The following ANXA7 variants were observed in gnomAD, a reference collection of about 807,000 sequenced individuals.
The protein encoded by ANXA7 is annexin VII.
Under a neutral mutation model 64.9 loss-of-function variants are expected in ANXA7, and 55 were observed. That is an observed-to-expected ratio of 0.85 (90% confidence interval 0.68 to 1.06). ANXA7 has a LOEUF of 1.06. ANXA7 is among the 50% of genes least tolerant of loss of function. The pLI is 0.00. For synonymous variants in ANXA7, 200 were observed against 192.4 expected, an observed-to-expected ratio of 1.04 and a Z score of -0.33; for missense variants, 548 against 582.1, an observed-to-expected ratio of 0.94 and a Z score of 0.60.
At chr10:73,380,225 TG>T (rs757476505) in intron 9 of ANXA7, 24 bp from the exon 10 acceptor site, 1 of 1,589,362 alleles carries the variant, frequency 6.3e-7, no homozygotes, top group African/African-American at 1.4e-5. Context: ...AGGCAGGAAT[TG>T]GAAGAAATAA....
intron 5 of ANXA7, among the ~76,000 whole-genome samples, chr10:73,392,789 C>T (rs1034779476): frequency 2.0e-4 from 31 of 152,184 alleles, no homozygotes; most frequent in African/African-American, 7.0e-4. Context: ...TGAAAACTGG[C>T]ACAAGACAGG....
At chr10:73,404,938 C>A (rs1473874497) in intron 1 of ANXA7, among the ~76,000 whole-genome samples, 1 of 151,940 alleles carries the variant, frequency 6.6e-6, no homozygotes, top group Non-Finnish European at 1.5e-5. Flanking sequence ...ATGGTGAAAC[C>A]CTGTCTCTAT....
At position 73,375,736 on chromosome 10, in the gene ANXA7, C is replaced by T. The variant is rs927782735; in HGVS notation, c.*359G>A. The T allele has an allele frequency of 1.3e-5, 2 of 157,018 alleles. No homozygotes were observed. The highest frequency in any genetic ancestry group is 4.8e-5 in the African/African-American group (2 of 41,568). The allele number at this position is 157,018 out of a possible 1,614,324, so 9.7% of individuals were successfully genotyped here. ...CTTAGAGGGATTCCGGAAGGCAGAG[C>T]TTTCAGTAACCTTCTAAAAAATTAT... On this transcript the variant is annotated 3_prime_UTR_variant, in exon 13 of 13. Coordinates refer to ENST00000372921, the MANE Select transcript of ANXA7 (RefSeq NM_001156.5).
At chr10:73,396,687 T>A in intron 4 of ANXA7, 104 bp from the exon 5 acceptor site, 1 of 687,544 alleles carries the variant, frequency 1.5e-6, no homozygotes, top group South Asian at 2.2e-5. Flanking sequence ...TACAAGAACA[T>A]TCACACTATG....
chr10:73,379,529 T>A (rs2055239974), intron 11 of ANXA7, among the ~76,000 whole-genome samples: 1 of 152,220 alleles, frequency 6.6e-6, no homozygotes, highest in Non-Finnish European at 1.5e-5. Flanking sequence ...GGTGACACTG[T>A]GAGTTCCTCA....
chr10:73,382,239 C>T (rs930435297), intron 9 of ANXA7, among the ~76,000 whole-genome samples: 1 of 152,222 alleles, frequency 6.6e-6, no homozygotes, highest in African/African-American at 2.4e-5. Flanking sequence ...ATCTTGTGCA[C>T]TAGCACAATA....
intron 11 of ANXA7, 61 bp downstream of exon 11, chr10:73,379,818 A>G: frequency 6.9e-7 from 1 of 1,445,128 alleles, no homozygotes; most frequent in Non-Finnish European, 9.7e-7. Context: ...TAATGGGAAC[A>G]ACTATTCAAA....
Position 73,377,774 on chromosome 10 carries a change from GT to G in ANXA7, c.1278+1136del, listed in dbSNP as rs1255150514. Among the ~76,000 whole-genome samples, 39 of 99,890 alleles carry G rather than the reference GT, an allele frequency of 3.9e-4. 1 individual carries two copies. The highest frequency in any genetic ancestry group is 2.2e-3 in the African/African-American group (31 of 13,802). 65.5% of individuals were successfully genotyped at this position (99,890 alleles called of 152,430 possible). A position where few individuals can be genotyped will look rare whatever the true frequency, so the allele number is the denominator to read the frequency against. On this transcript the variant is annotated intron_variant, in intron 12 of 12. Transcript: ENST00000372921. Reference sequence around the variant, plus strand: ...CTACCATGCCGGGGGGTGGGTGTGGGTGTGTGTGTGTGTGTGTGTGTGTGTG... The same window carrying G: ...CTACCATGCCGGGGGGTGGGTGTGGGGTGTGTGTGTGTGTGTGTGTGTGTG...
intron 5 of ANXA7, among the ~76,000 whole-genome samples, chr10:73,394,604 G>A (rs184122648): frequency 3.9e-5 from 6 of 152,242 alleles, no homozygotes; most frequent in Non-Finnish European, 5.9e-5. Context: ...GCAAACTATC[G>A]TAAGGACAGA....
intron 5 of ANXA7, among the ~76,000 whole-genome samples, chr10:73,390,061 T>C (rs903899230): frequency 3.9e-5 from 6 of 152,230 alleles, no homozygotes; most frequent in African/African-American, 1.4e-4. Context: ...AAAATAAAGA[T>C]TACTGTTGTA....
intron 7 of ANXA7, 121 bp from the exon 8 acceptor site, chr10:73,383,811 GA>G (rs2055314451): frequency 1.4e-6 from 1 of 704,236 alleles, no homozygotes; most frequent in Non-Finnish European, 2.5e-6. Context: ...TTTGAAAGCT[GA>G]ATGTTAATAT....
intron 5 of ANXA7, among the ~76,000 whole-genome samples, chr10:73,391,659 T>C (rs553942509): frequency 6.6e-6 from 1 of 152,188 alleles, no homozygotes; most frequent in East Asian, 1.9e-4. Flanking sequence ...AACAAGACTA[T>C]AACAGAATTA....
intron 1 of ANXA7, among the ~76,000 whole-genome samples, chr10:73,411,231 G>A (rs2055832797): frequency 6.6e-6 from 1 of 152,180 alleles, no homozygotes; most frequent in Non-Finnish European, 1.5e-5. Flanking sequence ...TGTGTAAGTG[G>A]AAGCTAAGCT....
rs144406953 is a variant in ANXA7, at chr10:73,384,799, G to C, written c.634-1109C>G. 5.3e-3 allele frequency among the ~76,000 whole-genome samples: 811 copies of C among 152,204 alleles called. 5 individuals carry two copies. Among genetic ancestry groups the C allele is most frequent in the Non-Finnish European group, 7.9e-3 (539 of 67,998 alleles). The stretch of plus-strand genomic sequence containing the variant: ...GTAAGTAGCATAGAAATAAGTAATA[G>C]AGAAAGTTGAAACAGAAAAAGTTCA... On this transcript the variant is annotated intron_variant, in intron 7 of 12. Transcript: ENST00000372921.
chr10:73,406,553 C>A (rs141779138), intron 1 of ANXA7, among the ~76,000 whole-genome samples: 2 of 152,252 alleles, frequency 1.3e-5, no homozygotes, highest in East Asian at 3.9e-4. Flanking sequence ...CTCCTTAGTA[C>A]TGGCTCCAAT....
chr10:73,376,804 G>A (rs371336400), intron 12 of ANXA7, among the ~76,000 whole-genome samples: 14 of 152,086 alleles, frequency 9.2e-5, no homozygotes, highest in South Asian at 2.1e-4. Flanking sequence ...TGGGATACAC[G>A]TACAATAGAC....
intron 5 of ANXA7, among the ~76,000 whole-genome samples, chr10:73,391,390 C>T (rs1279296445): frequency 4.6e-5 from 7 of 152,136 alleles, no homozygotes; most frequent in African/African-American, 1.2e-4. Flanking sequence ...GCAGGAGGAT[C>T]GCTTGAGCCC....
chr10:73,408,894 G>T (rs988490129), intron 1 of ANXA7, among the ~76,000 whole-genome samples: 6 of 152,168 alleles, frequency 3.9e-5, no homozygotes, highest in Non-Finnish European at 7.3e-5. Context: ...TAAATGTGAT[G>T]TATCACATAA....
chr10:73,407,955 A>AT (rs1342316382), intron 1 of ANXA7, among the ~76,000 whole-genome samples: 2 of 152,156 alleles, frequency 1.3e-5, no homozygotes, highest in African/African-American at 2.4e-5. Context: ...GACAGGCTGA[A>AT]TTTTTTTGCT....
Sources: gnomAD v4.1 joint callset for allele counts (sites outside exome capture counted in the v4.1 genomes callset) on GRCh38, gnomAD v4.1.1 for gene constraint, MANE v1.5 for transcripts, NCBI Gene and HGNC (gene_info 2026-07-23, HGNC 2026-07-21) for gene names.